Variants in RGS6 observed in about 807,000 individuals in gnomAD.
RGS6 encodes the protein regulator of G protein signaling 6.
In RGS6, 30 loss-of-function variants were observed where a neutral mutation model predicts 78.5. The observed-to-expected ratio is 0.38, with a 90% CI of 0.29 to 0.52. RGS6 has a LOEUF of 0.52. RGS6 is among the 20% of genes least tolerant of loss of function. The pLI is 0.85. For missense variants in RGS6, 495 were observed against 609.7 expected, an observed-to-expected ratio of 0.81 and a Z score of 1.98; for synonymous variants, 206 against 206.0, an observed-to-expected ratio of 1.00 and a Z score of 0.00.
At chr14:72,485,820 C>G (rs567279550) in intron 12 of RGS6, among the ~76,000 whole-genome samples, 2 of 152,296 alleles carry the variant, frequency 1.3e-5, no homozygotes, top group East Asian at 1.9e-4. Flanking sequence ...CCCATTCTTC[C>G]TCTCTGGTCC....
At chr14:72,402,589 A>G (rs1408999547) in intron 3 of RGS6, among the ~76,000 whole-genome samples, 1 of 152,140 alleles carries the variant, frequency 6.6e-6, no homozygotes, top group Non-Finnish European at 1.5e-5. Flanking sequence ...GCTATGATCA[A>G]AAAGACAAAA....
chr14:72,584,070 T>A, the RGS6 span, among the ~76,000 whole-genome samples: 2 of 152,176 alleles, frequency 1.3e-5, no homozygotes, highest in East Asian at 3.8e-4. Flanking sequence ...ACATAAATGG[T>A]CATATTTCAG....
rs1335130417 is a variant in RGS6 at position 72,293,137 on chromosome 14, T to G, written c.85-58958T>G. On this transcript the variant is annotated intron_variant, in intron 2 of 17. Transcript: ENST00000553525. ...TCTTTGACCCCTCTTAAAGAAACTC[T>G]AAACAAAAAATCTGCGTCCAGTTAT... Among the ~76,000 whole-genome samples, 4 of 152,240 alleles carry G rather than the reference T, an allele frequency of 2.6e-5. No individual in the cohort carries two copies. In the South Asian group the frequency reaches 6.2e-4, roughly 24 times the overall value.
At chr14:72,269,744 T>C (rs75233026) in intron 2 of RGS6, among the ~76,000 whole-genome samples, 26,682 of 151,738 alleles carry the variant, frequency 0.18, 2,832 homozygotes, top group African/African-American at 0.29. Flanking sequence ...TTTGCATTTT[T>C]AGTAGAGTTG....
the RGS6 span, among the ~76,000 whole-genome samples, chr14:72,609,634 G>A: frequency 6.6e-6 from 1 of 152,202 alleles, no homozygotes; most frequent in Non-Finnish European, 1.5e-5. Flanking sequence ...CACATCCCCA[G>A]AGGACAGAGG....
chr14:71,905,543 T>C, the RGS6 span, among the ~76,000 whole-genome samples: 6 of 152,154 alleles, frequency 3.9e-5, no homozygotes, highest in Non-Finnish European at 7.4e-5. Context: ...CAGGCTGGAG[T>C]GCAGTGGCGC....
chr14:72,123,700 G>A (rs775499456), intron 2 of RGS6, among the ~76,000 whole-genome samples: 6 of 152,132 alleles, frequency 3.9e-5, no homozygotes, highest in African/African-American at 7.2e-5. Flanking sequence ...ACTGAATTTC[G>A]AAGTTTAGGT....
chr14:71,898,658 C>G, the RGS6 span, among the ~76,000 whole-genome samples: 1 of 152,144 alleles, frequency 6.6e-6, no homozygotes, highest in Admixed American at 6.5e-5. Flanking sequence ...CTAATGCTCT[C>G]CCTCCTTTTC....
At chr14:72,224,478 T>G (rs968074224) in intron 2 of RGS6, among the ~76,000 whole-genome samples, 1 of 151,834 alleles carries the variant, frequency 6.6e-6, no homozygotes, top group Non-Finnish European at 1.5e-5. Flanking sequence ...TTATATACTT[T>G]AGAGGCTTTC....
the RGS6 span, among the ~76,000 whole-genome samples, chr14:72,577,489 A>C: frequency 1.2e-4 from 18 of 152,304 alleles, no homozygotes; most frequent in African/African-American, 4.3e-4. Flanking sequence ...CCCACCTCTG[A>C]AAAACACCCA....
At chr14:72,043,602 C>A (rs1038688217) in intron 2 of RGS6, among the ~76,000 whole-genome samples, 11 of 152,176 alleles carry the variant, frequency 7.2e-5, no homozygotes, top group African/African-American at 2.4e-4. Context: ...ATGTCTGCTG[C>A]AACTTTCATC....
At chr14:72,264,577 T>G (rs1003802370) in intron 2 of RGS6, among the ~76,000 whole-genome samples, 1 of 152,278 alleles carries the variant, frequency 6.6e-6, no homozygotes, top group African/African-American at 2.4e-5. Flanking sequence ...ACTCTCTATT[T>G]GTAACAACCT....
intron 2 of RGS6, among the ~76,000 whole-genome samples, chr14:71,988,612 C>A (rs535436457): frequency 6.6e-6 from 1 of 151,940 alleles, no homozygotes; most frequent in East Asian, 1.9e-4. Context: ...AGAGACTGTC[C>A]GTATGACCGG....
intron 2 of RGS6, among the ~76,000 whole-genome samples, chr14:71,995,275 C>A (rs1344058665): frequency 6.6e-6 from 1 of 152,204 alleles, no homozygotes; most frequent in Non-Finnish European, 1.5e-5. Context: ...TAAGGAAGAT[C>A]TGGCAACACC....
intron 2 of RGS6, among the ~76,000 whole-genome samples, chr14:72,002,931 A>G (rs1210276981): frequency 1.3e-5 from 2 of 152,324 alleles, no homozygotes; most frequent in African/African-American, 2.4e-5. Flanking sequence ...GACATTGCCA[A>G]TATCTTCGCT....
At chr14:72,353,838 GC>G (rs2079618050) in intron 3 of RGS6, among the ~76,000 whole-genome samples, 1 of 151,994 alleles carries the variant, frequency 6.6e-6, no homozygotes. Flanking sequence ...ACAAAAATTA[GC>G]CGGGCGTAGT....
chr14:72,219,983 A>AC (rs11383140), intron 2 of RGS6, among the ~76,000 whole-genome samples: 49,830 of 151,698 alleles, frequency 0.33, 9,266 homozygotes, highest in South Asian at 0.48. Flanking sequence ...TGCCTGGAAA[A>AC]CCCCATTGTC....
At chr14:72,331,592 C>T (rs1030300157) in intron 2 of RGS6, among the ~76,000 whole-genome samples, 4 of 152,102 alleles carry the variant, frequency 2.6e-5, no homozygotes, top group East Asian at 1.9e-4. Flanking sequence ...TTCCATAGCC[C>T]GTGGGTACTG....
At position 72,384,294 on chromosome 14, in the gene RGS6, G is replaced by A. The variant is rs150388192; in HGVS notation, c.184+32100G>A. 9.1e-4 allele frequency among the ~76,000 whole-genome samples: 138 copies of A among 152,300 alleles called. 1 individual carries two copies. Among genetic ancestry groups the A allele is most frequent in the African/African-American group, 3.1e-3 (130 of 41,572 alleles). ...CATTTTACTGTTGCATTTGAAAATT[G>A]TTAAAGTGAAAGTGACAAGTGCAAG... On this transcript the variant is annotated intron_variant, in intron 3 of 17. Coordinates refer to ENST00000553525, the MANE Select transcript of RGS6 (RefSeq NM_001204424.2).
Sources: allele counts gnomAD v4.1 joint callset (sites outside exome capture counted in the v4.1 genomes callset), GRCh38; gene constraint gnomAD v4.1.1; transcripts MANE v1.5; gene names NCBI Gene and HGNC (gene_info 2026-07-23, HGNC 2026-07-21).